Variants in SCUBE1 observed in about 807,000 individuals in gnomAD.
SCUBE1 encodes the protein signal peptide, CUB domain and EGF like domain containing 1.
Under a neutral mutation model 124.4 loss-of-function variants are expected in SCUBE1, and 59 were observed. That is an observed-to-expected ratio of 0.47 (90% CI 0.38 to 0.59). SCUBE1 has a LOEUF of 0.59. Ranked by LOEUF, SCUBE1 falls within the 20% of genes least tolerant of loss-of-function variation. SCUBE1 has a pLI of 0.00. For missense variants in SCUBE1, 1,150 were observed against 1,371.2 expected (o/e 0.84, Z 2.55); for synonymous variants, 545 against 550.9 (o/e 0.99, Z 0.15).
chr22:43,241,424 C>T (rs2146688880), intron 6 of SCUBE1, among the ~76,000 whole-genome samples: 1 of 152,226 alleles, frequency 6.6e-6, no homozygotes, highest in East Asian at 1.9e-4. Flanking sequence ...CGGCCCAAGG[C>T]TGTGCAGCCT....
At chr22:43,220,637 A>G in intron 13 of SCUBE1, 50 bp from the exon 14 acceptor site, 1 of 1,599,590 alleles carries the variant, frequency 6.3e-7, no homozygotes, top group Non-Finnish European at 8.5e-7. Context: ...GGCAGGGAGC[A>G]AGGTCCTACC....
intron 2 of SCUBE1, among the ~76,000 whole-genome samples, chr22:43,324,599 C>A (rs1410212229): frequency 2.0e-5 from 3 of 152,056 alleles, no homozygotes; most frequent in Admixed American, 6.5e-5. Flanking sequence ...AACACACAAA[C>A]AAACCAGCTA....
rs2146681690 is a variant in SCUBE1 at position 43,234,357 on chromosome 22, A to C, written c.845-2482T>G. Among the ~76,000 whole-genome samples the C allele has an allele frequency of 6.6e-6, 1 of 152,204 alleles. No homozygotes were observed. On this transcript the variant is annotated intron_variant, in intron 7 of 21. Coordinates refer to ENST00000360835, the MANE Select transcript of SCUBE1 (RefSeq NM_173050.5). The surrounding 1 kb of genome is among the most constrained non-coding windows in gnomAD (Gnocchi z 4.4). Reference sequence around the variant, plus strand: ...TCGCCTCTCCCAGCATCCTTAGCAAACTGAAATGAGCTGAGGCTGCTAAGC... The same window carrying C: ...TCGCCTCTCCCAGCATCCTTAGCAACCTGAAATGAGCTGAGGCTGCTAAGC...
intron 15 of SCUBE1, among the ~76,000 whole-genome samples, chr22:43,217,401 C>T (rs1473713716): frequency 6.6e-6 from 1 of 151,446 alleles, no homozygotes; most frequent in Admixed American, 6.6e-5. Flanking sequence ...TGGCCGGCGT[C>T]AGGAAGCGAT....
chr22:43,223,582 G>A lies in SCUBE1; in HGVS notation c.1208-366C>T, dbSNP rs143229595. ...ACTGGCTTCCTGGGAGGGGCCGTGG[G>A]GGGGATCGCTCGGAAGCACCTCTTT... On this transcript the variant is annotated intron_variant, in intron 10 of 21. Coordinates refer to ENST00000360835, the MANE Select transcript of SCUBE1 (RefSeq NM_173050.5). 5.8e-3 allele frequency among the ~76,000 whole-genome samples: 884 copies of A among 152,302 alleles called. 5 individuals are homozygous for A. The highest frequency in any genetic ancestry group is 7.5e-3 in the Non-Finnish European group (513 of 68,022).
At chr22:43,277,186 G>T (rs1212040644) in intron 4 of SCUBE1, among the ~76,000 whole-genome samples, 3 of 152,172 alleles carry the variant, frequency 2.0e-5, no homozygotes, top group African/African-American at 7.2e-5. Context: ...ATGAGCGGGA[G>T]TTCCAGACAG....
At chr22:43,341,229 A>G (rs9612045) in intron 1 of SCUBE1, among the ~76,000 whole-genome samples, 28,576 of 151,630 alleles carry the variant, frequency 0.19, 3,080 homozygotes, top group Middle Eastern at 0.3. Context: ...ACAAGGAGGC[A>G]GGAACTGGAG....
At chr22:43,327,047 C>T (rs1010639003) in intron 2 of SCUBE1, among the ~76,000 whole-genome samples, 5 of 152,152 alleles carry the variant, frequency 3.3e-5, no homozygotes, top group Admixed American at 6.5e-5. Context: ...GCCTCAGAAA[C>T]GAGCAGAGCC....
At position 43,211,905 on chromosome 22, in the gene SCUBE1, G is replaced by C. The variant is rs1410014923; in HGVS notation, c.2221+520C>G. ...GATGTGGCTGGCTCCAGGGGGCTGAGAGCCAGGCCACCTGGACAGACAGAC... is the reference window on the plus strand; with the variant it reads ...GATGTGGCTGGCTCCAGGGGGCTGACAGCCAGGCCACCTGGACAGACAGAC... On this transcript the variant is annotated intron_variant, in intron 17 of 21. Coordinates refer to ENST00000360835, the MANE Select transcript of SCUBE1 (RefSeq NM_173050.5). The surrounding 1 kb of genome is among the most constrained non-coding windows in gnomAD (Gnocchi z 4.5). Among the ~76,000 whole-genome samples the C allele has an allele frequency of 1.3e-5, 2 of 152,160 alleles. No homozygotes were observed. Among genetic ancestry groups the C allele is most frequent in the African/African-American group, 4.8e-5 (2 of 41,428 alleles).
intron 3 of SCUBE1, among the ~76,000 whole-genome samples, chr22:43,311,587 T>A (rs1368046345): frequency 1.8e-5 from 2 of 112,626 alleles, no homozygotes; most frequent in Admixed American, 9.8e-5. Context: ...AATCTGGCTA[T>A]TTTTTTTTTT....
chr22:43,308,104 G>A (rs1329061824), intron 3 of SCUBE1, among the ~76,000 whole-genome samples: 1 of 152,202 alleles, frequency 6.6e-6, no homozygotes, highest in Non-Finnish European at 1.5e-5. Flanking sequence ...CCCCACTCGA[G>A]GGTCTCCCCT....
chr22:43,310,513 G>T (rs1401775803), intron 3 of SCUBE1, among the ~76,000 whole-genome samples: 1 of 152,166 alleles, frequency 6.6e-6, no homozygotes, highest in Non-Finnish European at 1.5e-5. Flanking sequence ...TGTGAGCAAA[G>T]ATGCTTCCAG....
intron 2 of SCUBE1, among the ~76,000 whole-genome samples, chr22:43,331,634 A>G (rs1387000942): frequency 1.3e-5 from 2 of 152,200 alleles, no homozygotes; most frequent in African/African-American, 4.8e-5. Context: ...GATTAGTAGG[A>G]CCCAATTCAA....
intron 2 of SCUBE1, among the ~76,000 whole-genome samples, chr22:43,336,603 T>G (rs1927089262): frequency 6.6e-6 from 1 of 152,116 alleles, no homozygotes; most frequent in African/African-American, 2.4e-5. Flanking sequence ...TACAGCAAGC[T>G]TATGGTGGGC....
chr22:43,233,716 C>G (rs1294846009), intron 7 of SCUBE1: 1 of 152,226 alleles, frequency 6.6e-6, no homozygotes, highest in Non-Finnish European at 1.5e-5. Context: ...CGGCCCATGT[C>G]GCTCTCACTT....
At chr22:43,239,498 TCAC>T (rs1425850345) in intron 6 of SCUBE1, among the ~76,000 whole-genome samples, 1 of 152,270 alleles carries the variant, frequency 6.6e-6, no homozygotes, top group Non-Finnish European at 1.5e-5. Flanking sequence ...ACATCTGTTC[TCAC>T]TGAGTGATAT....
chr22:43,197,611 C>T lies in SCUBE1; in HGVS notation c.*6386G>A, dbSNP rs1476844863. On this transcript the variant is annotated 3_prime_UTR_variant, in exon 22 of 22. Transcript: ENST00000360835. ...ACCCGGCATCGGTCAGCTCCCTCTT[C>T]CTCCTCCTGCTTTCTGCCACCCATC... The T allele has an allele frequency of 6.6e-6, 1 of 152,476 alleles. No individual in the cohort carries two copies. Among genetic ancestry groups the T allele is most frequent in the East Asian group, 1.9e-4 (1 of 5,204 alleles). The allele number at this position is 152,476 out of a possible 1,614,324, so 9.4% of individuals were successfully genotyped here. A position where few individuals can be genotyped will look rare whatever the true frequency, so the allele number is the denominator to read the frequency against.
chr22:43,219,151 G>C (rs1318566243), intron 14 of SCUBE1, among the ~76,000 whole-genome samples: 2 of 152,180 alleles, frequency 1.3e-5, no homozygotes, highest in East Asian at 1.9e-4. Context: ...GTGGGGCCTG[G>C]TGGGAGGTGT....
chr22:43,257,155 C>T (rs1254810324), intron 6 of SCUBE1, among the ~76,000 whole-genome samples: 3 of 152,226 alleles, frequency 2.0e-5, no homozygotes, highest in Admixed American at 6.5e-5. Flanking sequence ...GGTGCCCGCT[C>T]GGGCCCTGCT....
Sources: allele counts gnomAD v4.1 joint callset (sites outside exome capture counted in the v4.1 genomes callset), GRCh38; gene constraint gnomAD v4.1.1; non-coding constraint Gnocchi (gnomAD v3.1); transcripts MANE v1.5; gene names NCBI Gene and HGNC (gene_info 2026-07-23, HGNC 2026-07-21).